Variants in AQR observed in about 807,000 individuals in gnomAD.
AQR encodes the protein aquarius intron-binding spliceosomal factor.
AQR carries 61 observed loss-of-function variants against 180.5 expected under a neutral mutation model. The observed-to-expected ratio is 0.34, with a 90% CI of 0.28 to 0.42. The LOEUF (loss-of-function observed/expected upper bound fraction) is 0.42. AQR is among the 10% of genes least tolerant of loss of function. The pLI, the probability that AQR is intolerant of heterozygous loss-of-function variation, is 1.00. For missense variants in AQR, 1,281 were observed against 1,798.3 expected (o/e 0.71, Z 5.20); for synonymous variants, 551 against 588.8 (o/e 0.94, Z 0.93).
chr15:34,886,379 C>A, intron 25 of AQR, 147 bp downstream of exon 25: 1 of 673,070 alleles, frequency 1.5e-6, no homozygotes, highest in South Asian at 4.5e-5. Flanking sequence ...ATACACTTAA[C>A]ATTCATAAAT....
chr15:34,884,423 C>CA (rs1435214461), intron 26 of AQR, 102 bp downstream of exon 26: 33 of 1,115,994 alleles, frequency 3.0e-5, no homozygotes, highest in East Asian at 5.6e-5. Context: ...AACAAAAAAA[C>CA]AAAAAAACAA....
rs111497763 is a variant in AQR at position 34,886,931 on chromosome 15, T to G, written c.2682-270A>C. Among the ~76,000 whole-genome samples, 1,318 of 152,002 alleles carry G rather than the reference T, an allele frequency of 8.7e-3. 19 individuals are homozygous for G. The highest frequency in any genetic ancestry group is 0.03 in the African/African-American group (1,255 of 41,434). On this transcript the variant is annotated intron_variant, in intron 24 of 34. Transcript: ENST00000156471. The stretch of plus-strand genomic sequence containing the variant: ...TGAGGTTAGGAGATCGAGACCATCA[T>G]GGCTAACATGGTGAAACCCTGTCTC...
At chr15:34,864,854 G>C (rs1328754825) in intron 32 of AQR, among the ~76,000 whole-genome samples, 2 of 152,136 alleles carry the variant, frequency 1.3e-5, no homozygotes, top group African/African-American at 4.8e-5. Context: ...ATTTTCTGCA[G>C]ATTCAAATGT....
intron 16 of AQR, among the ~76,000 whole-genome samples, chr15:34,914,699 C>T (rs933328353): frequency 6.6e-6 from 1 of 152,112 alleles, no homozygotes; most frequent in Non-Finnish European, 1.5e-5. Flanking sequence ...CTAGTACGGG[C>T]CTGCTTGGCC....
In AQR at chr15:34,927,126, CA is replaced by C; in HGVS notation, c.1026del (p.Phe342LeufsTer18). On this transcript the variant is annotated frameshift_variant, in exon 13 of 35. Transcript: ENST00000156471. LOFTEE classifies it high-confidence loss of function. ...DRITSLQRAA[F>X]AHFPELYDFA... Reference sequence around the variant, plus strand: ...AAATCATAGAGTTCAGGAAAATGTGCAAAAGCAGCTCTCTAGAAAATAATGG... The same window carrying C: ...AAATCATAGAGTTCAGGAAAATGTGCAAAGCAGCTCTCTAGAAAATAATGG... The C allele has an allele frequency of 6.3e-7, 1 of 1,575,186 alleles. No homozygotes were observed. The highest frequency in any genetic ancestry group is 8.6e-7 in the Non-Finnish European group (1 of 1,160,132).
intron 16 of AQR, among the ~76,000 whole-genome samples, chr15:34,914,337 G>A (rs540504401): frequency 6.6e-6 from 1 of 152,304 alleles, no homozygotes; most frequent in South Asian, 2.1e-4. Context: ...TTGTAATGCA[G>A]AGCTGCTACA....
intron 22 of AQR, among the ~76,000 whole-genome samples, chr15:34,894,808 T>C (rs1014257766): frequency 2.0e-5 from 3 of 151,852 alleles, no homozygotes; most frequent in Non-Finnish European, 4.4e-5. Flanking sequence ...CTATGAAAAG[T>C]TAAATATATT....
At chr15:34,917,673 T>TA (rs1355124109) in intron 15 of AQR, among the ~76,000 whole-genome samples, 1 of 152,080 alleles carries the variant, frequency 6.6e-6, no homozygotes, top group Non-Finnish European at 1.5e-5. Flanking sequence ...CTTCATGCAT[T>TA]ATAAGGTCTC....
chr15:34,877,910 C>T (rs916948003), intron 27 of AQR, among the ~76,000 whole-genome samples: 2 of 152,116 alleles, frequency 1.3e-5, no homozygotes, highest in Admixed American at 6.5e-5. Flanking sequence ...CTACAGCCAC[C>T]GTTACCAGTT....
At position 34,856,981 on chromosome 15, in the gene AQR, G is replaced by A. The variant is rs373744153; in HGVS notation, c.4269C>T (p.Asp1423=). 1 of 1,614,124 alleles carries A rather than the reference G, an allele frequency of 6.2e-7. No individual in the cohort carries two copies. Among genetic ancestry groups the A allele is most frequent in the Non-Finnish European group, 8.5e-7 (1 of 1,180,006 alleles). The change falls in exon 35 of 35, where the codon GAC becomes GAT. Residue 1423 remains aspartate (D), a synonymous_variant. Coordinates refer to ENST00000156471, the MANE Select transcript of AQR (RefSeq NM_014691.3). Reference sequence around the variant, plus strand: ...CTGGAGTTTCTTGACGGCAGCTGGTGTCTGTTGGACTGGGTATGATGTCAG... The same window carrying A: ...CTGGAGTTTCTTGACGGCAGCTGGTATCTGTTGGACTGGGTATGATGTCAG... The part of the protein sequence containing the change: ...VQADIIPSPT[D]TSCRQETPAF...
At chr15:34,919,944 G>T (rs767488026) in intron 14 of AQR, among the ~76,000 whole-genome samples, 3 of 151,710 alleles carry the variant, frequency 2.0e-5, no homozygotes, top group Non-Finnish European at 2.9e-5. Context: ...AAAAGAAGAA[G>T]AATTCCTGAA....
In AQR at chr15:34,856,674, T is replaced by C. The variant is rs1390712364; in HGVS notation, c.*118A>G. 2.1e-5 allele frequency: 17 copies of C among 825,798 alleles called. No homozygotes were observed. The highest frequency in any genetic ancestry group is 3.2e-5 in the South Asian group (1 of 31,208). 51.2% of individuals were successfully genotyped at this position (825,798 alleles called of 1,614,324 possible). ...AGACACCGAAATCAGTTAACAAATA[T>C]AAGAACTAAACATTAATTAGTGACA... On this transcript the variant is annotated 3_prime_UTR_variant, in exon 35 of 35. Transcript: ENST00000156471.
intron 3 of AQR, among the ~76,000 whole-genome samples, chr15:34,959,971 T>A (rs2050265090): frequency 1.3e-5 from 2 of 152,174 alleles, no homozygotes; most frequent in South Asian, 4.1e-4. Context: ...TGAAACCCTG[T>A]CTCAAAAAAA....
chr15:34,868,005 A>G (rs16959971), intron 31 of AQR: 1 of 176,856 alleles, frequency 5.7e-6, no homozygotes, highest in Non-Finnish European at 1.2e-5. Context: ...TATCACTAGT[A>G]AATGTCTACA....
At chr15:34,897,728 C>A (rs1893270543) in intron 20 of AQR, 23 bp from the exon 21 acceptor site, 1 of 1,612,364 alleles carries the variant, frequency 6.2e-7, no homozygotes, top group Non-Finnish European at 8.5e-7. Context: ...AACTTCTGTT[C>A]ATTTTTGCAA....
intron 30 of AQR, among the ~76,000 whole-genome samples, chr15:34,872,702 C>T (rs1381845056): frequency 6.6e-6 from 1 of 151,950 alleles, no homozygotes; most frequent in Non-Finnish European, 1.5e-5. Flanking sequence ...TTAATATAAC[C>T]AAATATTTGG....
chr15:34,965,894 C>T (rs2050307924), intron 1 of AQR, among the ~76,000 whole-genome samples: 1 of 152,124 alleles, frequency 6.6e-6, no homozygotes, highest in African/African-American at 2.4e-5. Context: ...AAATGTATAT[C>T]CTATCTCTGA....
chr15:34,867,651 C>CA, intron 31 of AQR, 42 bp from the exon 32 acceptor site: 1 of 1,371,658 alleles, frequency 7.3e-7, no homozygotes, highest in Non-Finnish European at 1.0e-6. Flanking sequence ...TTGCAAAAGC[C>CA]AAAAGACACT....
chr15:34,916,069 C>T (rs1893579988), intron 15 of AQR, among the ~76,000 whole-genome samples: 1 of 152,050 alleles, frequency 6.6e-6, no homozygotes, highest in African/African-American at 2.4e-5. Context: ...GATACTTGTA[C>T]TAACAGTCTC....
Sources: gnomAD v4.1 joint callset for allele counts (sites outside exome capture counted in the v4.1 genomes callset) on GRCh38, gnomAD v4.1.1 for gene constraint, MANE v1.5 for transcripts, NCBI Gene and HGNC (gene_info 2026-07-23, HGNC 2026-07-21) for gene names.